The following SYT9 variants were observed in gnomAD, a reference collection of about 807,000 sequenced individuals.
The protein encoded by SYT9 is synaptotagmin-9.
SYT9 carries 22 observed loss-of-function variants against 48.4 expected under a neutral mutation model. That is an observed-to-expected ratio of 0.45 (90% CI 0.32 to 0.65). The LOEUF is 0.65. Ranked by LOEUF, SYT9 falls within the 30% of genes least tolerant of loss-of-function variation. The pLI, the probability that SYT9 is intolerant of heterozygous loss-of-function variation, is 0.03. For missense variants in SYT9, 577 were observed against 622.0 expected (o/e 0.93, Z 0.77); for synonymous variants, 265 against 245.0 (o/e 1.08, Z -0.76).
chr11:7,304,090 G>A (rs1248629653), intron 2 of SYT9, among the ~76,000 whole-genome samples: 1 of 152,208 alleles, frequency 6.6e-6, no homozygotes, highest in African/African-American at 2.4e-5. Context: ...GTGTGACATT[G>A]AACAAATTAC....
At chr11:7,425,894 G>A (rs1340682392) in intron 6 of SYT9, among the ~76,000 whole-genome samples, 1 of 152,234 alleles carries the variant, frequency 6.6e-6, no homozygotes. Context: ...TCATGTCTCA[G>A]TGTCTCTGAG....
At chr11:7,289,088 CT>C (rs1407779663) in intron 1 of SYT9, among the ~76,000 whole-genome samples, 1 of 152,122 alleles carries the variant, frequency 6.6e-6, no homozygotes, top group African/African-American at 2.4e-5. Context: ...AGTAAAACAC[CT>C]ATTTGTAGCC....
chr11:7,260,661 G>GA (rs1200309628), intron 1 of SYT9, among the ~76,000 whole-genome samples: 1 of 152,138 alleles, frequency 6.6e-6, no homozygotes, highest in East Asian at 1.9e-4. Flanking sequence ...GTTCCTTATG[G>GA]AAAATATACT....
chr11:7,268,084 T>A (rs1192565690), intron 1 of SYT9, among the ~76,000 whole-genome samples: 2 of 151,978 alleles, frequency 1.3e-5, no homozygotes, highest in East Asian at 3.8e-4. Flanking sequence ...TAAATATTTT[T>A]ATAGGTTAAG....
rs1001540684 is a variant in SYT9 at position 7,251,965 on chromosome 11, GGA to G, written c.-213_-212del. ...TGGGGAGGGACGGAGGGACCGGGCG[GGA>G]GAGAGAGAAAGCCTGACCGACCGGC... On this transcript the variant is annotated 5_prime_UTR_variant, in exon 1 of 7. Transcript: ENST00000318881. 1.8e-5 allele frequency: 8 copies of G among 446,478 alleles called. No individual in the cohort carries two copies. Among genetic ancestry groups the G allele is most frequent in the Non-Finnish European group, 2.7e-5 (7 of 257,328 alleles). The allele number at this position is 446,478 out of a possible 1,614,324, so 27.7% of individuals were successfully genotyped here.
At chr11:7,426,626 T>C (rs4757994) in intron 6 of SYT9, among the ~76,000 whole-genome samples, 61,912 of 151,930 alleles carry the variant, frequency 0.41, 14,040 homozygotes, top group East Asian at 0.63. Flanking sequence ...CCAGGGGTCA[T>C]GTTTGCCTTA....
chr11:7,269,700 A>G (rs1431896719), intron 1 of SYT9, among the ~76,000 whole-genome samples: 1 of 152,112 alleles, frequency 6.6e-6, no homozygotes, highest in Non-Finnish European at 1.5e-5. Flanking sequence ...CCCACTCTAT[A>G]CTTGTGCTTT....
intron 3 of SYT9, among the ~76,000 whole-genome samples, chr11:7,403,687 T>G (rs1178933006): frequency 1.3e-5 from 2 of 152,228 alleles, no homozygotes; most frequent in African/African-American, 4.8e-5. Flanking sequence ...CTTTGTATGA[T>G]TGAAATTCTC....
At chr11:7,241,355 TA>T (rs1847738614) in intron 1 of SYT9, among the ~76,000 whole-genome samples, 1 of 151,652 alleles carries the variant, frequency 6.6e-6, no homozygotes. Context: ...AGAGAAAAAA[TA>T]TTTGTGTGGT....
intron 1 of SYT9, among the ~76,000 whole-genome samples, chr11:7,301,197 C>T (rs184635431): frequency 5.5e-4 from 83 of 152,272 alleles, no homozygotes; most frequent in African/African-American, 1.9e-3. Flanking sequence ...CAGAGTTACC[C>T]ATATTGAAAC....
intron 3 of SYT9, among the ~76,000 whole-genome samples, chr11:7,345,512 A>G (rs772439759): frequency 3.3e-5 from 5 of 152,212 alleles, no homozygotes; most frequent in Non-Finnish European, 7.3e-5. Flanking sequence ...TCAAAGATGG[A>G]TGATTTTCTG....
In SYT9 at chr11:7,279,249, A is replaced by T. The variant is rs568768827; in HGVS notation, c.146-23790A>T. Among the ~76,000 whole-genome samples the T allele has an allele frequency of 1.0e-3, 158 of 152,356 alleles. 1 individual carries two copies. The highest frequency in any genetic ancestry group is 4.0e-4 in the Non-Finnish European group (27 of 68,030). ...AGGAAAGATGCTGGAGAGTTAGCTT[A>T]GTAAAACAAAGTCTTGGTAAACTTC... is the stretch of plus-strand genomic sequence containing the variant. On this transcript the variant is annotated intron_variant, in intron 1 of 6. Transcript: ENST00000318881.
intron 6 of SYT9, among the ~76,000 whole-genome samples, chr11:7,436,800 C>T (rs567034071): frequency 2.0e-5 from 3 of 152,302 alleles, no homozygotes; most frequent in East Asian, 1.9e-4. Flanking sequence ...TCCTGGTGGA[C>T]GACCTCAGCT....
intron 1 of SYT9, among the ~76,000 whole-genome samples, chr11:7,284,052 A>G (rs1012422086): frequency 6.6e-6 from 1 of 152,200 alleles, no homozygotes; most frequent in Non-Finnish European, 1.5e-5. Context: ...GTATTTGGCT[A>G]TTAACTTTCC....
intron 3 of SYT9, among the ~76,000 whole-genome samples, chr11:7,349,344 T>C (rs1274076528): frequency 6.6e-6 from 1 of 151,270 alleles, no homozygotes; most frequent in Non-Finnish European, 1.5e-5. Context: ...AAATGATAAA[T>C]TTTATGATGT....
intron 1 of SYT9, among the ~76,000 whole-genome samples, chr11:7,288,238 G>A (rs1848632685): frequency 6.6e-6 from 1 of 151,076 alleles, no homozygotes; most frequent in Non-Finnish European, 1.5e-5. Flanking sequence ...AAGGGACTAT[G>A]TACCTGGCTA....
In SYT9 at chr11:7,267,840, G is replaced by A. The variant is rs185460121; in HGVS notation, c.145+15509G>A. Among the ~76,000 whole-genome samples the A allele has an allele frequency of 2.0e-5, 3 of 151,834 alleles. No individual in the cohort carries two copies. The East Asian group carries it at 5.8e-4, about 29-fold the overall frequency. On this transcript the variant is annotated intron_variant, in intron 1 of 6. Coordinates refer to ENST00000318881, the MANE Select transcript of SYT9 (RefSeq NM_175733.4). ...GAAATAAAAAATAAATAAATATTGT[G>A]CTATTCTGATCAAGGAAAAAATGAG...
chr11:7,408,450 T>C (rs1847067226), intron 3 of SYT9, among the ~76,000 whole-genome samples: 1 of 152,228 alleles, frequency 6.6e-6, no homozygotes, highest in Non-Finnish European at 1.5e-5. Context: ...ATTTTAACAT[T>C]ATTAATTCTT....
At chr11:7,239,053 C>A in intron 1 of SYT9, 1 of 408,048 alleles carries the variant, frequency 2.5e-6, no homozygotes, top group South Asian at 1.8e-5. Context: ...TTCTGGCTAC[C>A]TGACACCCAA....
Sources: allele counts gnomAD v4.1 joint callset (sites outside exome capture counted in the v4.1 genomes callset), GRCh38; gene constraint gnomAD v4.1.1; transcripts MANE v1.5; gene names NCBI Gene and HGNC (gene_info 2026-07-23, HGNC 2026-07-21).